The following IQCJ variants were observed in gnomAD, a reference collection of about 807,000 sequenced individuals.
IQCJ encodes the protein IQ domain-containing protein J.
IQCJ carries 9 observed loss-of-function variants against 11.0 expected under a neutral mutation model. The ratio of observed to expected loss-of-function variants is 0.82; its 90% CI spans 0.49 to 1.43. The LOEUF (loss-of-function observed/expected upper bound fraction) is 1.43, where lower values mean the gene tolerates loss of function less well. IQCJ is among the 40% of genes most tolerant of loss of function. The pLI, the probability that IQCJ is intolerant of heterozygous loss-of-function variation, is 0.00. For synonymous variants in IQCJ, 55 were observed against 51.3 expected (o/e 1.07, Z -0.31); for missense variants, 146 against 133.2 (o/e 1.10, Z -0.47).
intron 1 of IQCJ, among the ~76,000 whole-genome samples, chr3:159,190,048 G>C (rs1266293151): frequency 1.3e-5 from 2 of 152,200 alleles, no homozygotes; most frequent in Non-Finnish European, 2.9e-5. Flanking sequence ...TCAATGAACT[G>C]TGTCTATGGC....
chr3:159,206,656 C>A (rs1393394408), intron 1 of IQCJ, among the ~76,000 whole-genome samples: 1 of 152,164 alleles, frequency 6.6e-6, no homozygotes, highest in Non-Finnish European at 1.5e-5. Context: ...CTACCACATT[C>A]CCTAAACTTG....
chr3:159,091,213 C>G (rs371759414), intron 1 of IQCJ, among the ~76,000 whole-genome samples: 1 of 151,566 alleles, frequency 6.6e-6, no homozygotes, highest in Non-Finnish European at 1.5e-5. Flanking sequence ...AGGGCAGAGA[C>G]AATATCTTAG....
chr3:159,162,576 G>C (rs1008895214), intron 1 of IQCJ, among the ~76,000 whole-genome samples: 1 of 152,120 alleles, frequency 6.6e-6, no homozygotes, highest in Non-Finnish European at 1.5e-5. Flanking sequence ...ATGTTGAATA[G>C]GAGTGGTGAG....
chr3:159,091,069 C>A (rs994276949), intron 1 of IQCJ, among the ~76,000 whole-genome samples: 3 of 151,542 alleles, frequency 2.0e-5, no homozygotes, highest in Non-Finnish European at 4.4e-5. Flanking sequence ...CCTATGGAAA[C>A]CCTAACTTGA....
At chr3:159,258,243 T>C (rs1728004595) in intron 3 of IQCJ, among the ~76,000 whole-genome samples, 1 of 152,194 alleles carries the variant, frequency 6.6e-6, no homozygotes, top group Non-Finnish European at 1.5e-5. Flanking sequence ...AAACTTTAGA[T>C]GAAAAAGAGG....
chr3:159,150,895 G>A (rs1338066720), intron 1 of IQCJ, among the ~76,000 whole-genome samples: 4 of 152,142 alleles, frequency 2.6e-5, no homozygotes, highest in Admixed American at 6.5e-5. Flanking sequence ...GTTTCTGAAT[G>A]ACTACCCTGG....
Position 159,192,822 on chromosome 3 carries a change from T to A in IQCJ, c.10-53021T>A, listed in dbSNP as rs184492960. Among the ~76,000 whole-genome samples, 522 of 152,292 alleles carry A rather than the reference T, an allele frequency of 3.4e-3. 2 individuals carry two copies. The highest frequency in any genetic ancestry group is 0.01 in the Middle Eastern group (3 of 294). On this transcript the variant is annotated intron_variant, in intron 1 of 3. Coordinates refer to ENST00000397832, the MANE Select transcript of IQCJ (RefSeq NM_001042706.3). ...TGCTCAGGTTCACTGTCTTGAAATATTAAGTTACCTCATCTGGGAACAGGT... is the reference window on the plus strand; with the variant it reads ...TGCTCAGGTTCACTGTCTTGAAATAATAAGTTACCTCATCTGGGAACAGGT...
At chr3:159,182,781 A>ATT (rs201873449) in intron 1 of IQCJ, among the ~76,000 whole-genome samples, 7,240 of 149,906 alleles carry the variant, frequency 0.048, 696 homozygotes, top group African/African-American at 0.17. Context: ...TATTTATTTT[A>ATT]TTTTTTTTCA....
At chr3:159,263,775 A>G, downstream of IQCJ, 1 of 985,350 alleles carries the variant, frequency 1.0e-6, no homozygotes, top group Non-Finnish European at 1.2e-6. Flanking sequence ...GGATTTAAAG[A>G]GAGAGAATAA....
chr3:159,265,167 G>A (rs1344888040), downstream of IQCJ: 3 of 1,517,394 alleles, frequency 2.0e-6, no homozygotes, highest in Non-Finnish European at 2.7e-6. Flanking sequence ...ATATGTAGTT[G>A]TTTGGAGTTT....
chr3:159,084,766 G>C (rs2108064889), intron 1 of IQCJ, among the ~76,000 whole-genome samples: 1 of 152,112 alleles, frequency 6.6e-6, no homozygotes, highest in African/African-American at 2.4e-5. Flanking sequence ...GCAGAAACTA[G>C]AAAAACTCAT....
chr3:159,169,527 T>A (rs1472896465), intron 1 of IQCJ, among the ~76,000 whole-genome samples: 1 of 151,850 alleles, frequency 6.6e-6, no homozygotes, highest in Non-Finnish European at 1.5e-5. Flanking sequence ...TGACCTCAGG[T>A]AATCCACCCG....
intron 1 of IQCJ, among the ~76,000 whole-genome samples, chr3:159,130,426 G>A (rs1719925499): frequency 6.6e-6 from 1 of 152,112 alleles, no homozygotes; most frequent in Non-Finnish European, 1.5e-5. Context: ...TCTCTAAGGG[G>A]CAAAAGAGGT....
chr3:159,163,525 GC>G (rs1721996394), intron 1 of IQCJ, among the ~76,000 whole-genome samples: 1 of 152,116 alleles, frequency 6.6e-6, no homozygotes, highest in Admixed American at 6.5e-5. Context: ...AGACAGGGAT[GC>G]CCTAATTTTT....
chr3:159,209,238 G>A (rs1336592261), intron 1 of IQCJ, among the ~76,000 whole-genome samples: 1 of 152,164 alleles, frequency 6.6e-6, no homozygotes, highest in East Asian at 1.9e-4. Context: ...CAGCAACTGA[G>A]CATCAGAGAC....
chr3:159,216,617 C>T (rs896207605), intron 1 of IQCJ, among the ~76,000 whole-genome samples: 2 of 152,130 alleles, frequency 1.3e-5, no homozygotes, highest in African/African-American at 2.4e-5. Context: ...GTTTCCTGCC[C>T]ATTGCCTAAT....
chr3:159,237,750 A>C (rs1030856826), intron 1 of IQCJ, among the ~76,000 whole-genome samples: 9 of 152,234 alleles, frequency 5.9e-5, no homozygotes, highest in Non-Finnish European at 8.8e-5. Flanking sequence ...TTATTTGGTG[A>C]GTCTAACCGA....
At chr3:159,089,016 G>A (rs982128254) in intron 1 of IQCJ, among the ~76,000 whole-genome samples, 4 of 151,998 alleles carry the variant, frequency 2.6e-5, no homozygotes, top group Admixed American at 6.6e-5. Context: ...TCCTAGTCTC[G>A]ATGGTCTTCA....
At chr3:159,235,819 A>G (rs1726548385) in intron 1 of IQCJ, among the ~76,000 whole-genome samples, 2 of 152,236 alleles carry the variant, frequency 1.3e-5, no homozygotes, top group African/African-American at 4.8e-5. Context: ...TGGTTGGTCA[A>G]ACAAGAACAA....
Sources: gnomAD v4.1 joint callset for allele counts (sites outside exome capture counted in the v4.1 genomes callset) on GRCh38, gnomAD v4.1.1 for gene constraint, MANE v1.5 for transcripts, NCBI Gene and HGNC (gene_info 2026-07-23, HGNC 2026-07-21) for gene names.